CSMD1: variants seen among roughly 807,000 people sequenced by gnomAD.
CSMD1 encodes the protein CUB and Sushi multiple domains 1, also known as CUB and sushi domain-containing protein 1.
Under a neutral mutation model 417.5 loss-of-function variants are expected in CSMD1, and 213 were observed. The ratio of observed to expected loss-of-function variants is 0.51; its 90% CI spans 0.46 to 0.57. The LOEUF is 0.57. Among genes scored for constraint, CSMD1 ranks in the 20% least tolerant of loss-of-function variants. The probability of loss-of-function intolerance (pLI) is 0.00; values close to 1 mark genes in which losing one functional copy is unlikely to be tolerated. For synonymous variants in CSMD1, 2,862 were observed against 1,736.8 expected, an observed-to-expected ratio of 1.65 and a Z score of -16.11; for missense variants, 6,923 against 4,529.7, an observed-to-expected ratio of 1.53 and a Z score of -15.17.
intron 1 of CSMD1, among the ~76,000 whole-genome samples, chr8:4,949,251 T>C (rs1808573342): frequency 6.6e-6 from 1 of 152,176 alleles, no homozygotes. Flanking sequence ...CCTATCTTCA[T>C]AAATGAGAGT....
intron 37 of CSMD1, among the ~76,000 whole-genome samples, chr8:3,176,103 G>C (rs948943986): frequency 5.3e-5 from 8 of 152,154 alleles, no homozygotes; most frequent in Non-Finnish European, 8.8e-5. Context: ...AACTTGGAAA[G>C]ACAGAAATAC....
At chr8:4,566,519 G>A (rs866764318) in intron 2 of CSMD1, among the ~76,000 whole-genome samples, 9 of 151,846 alleles carry the variant, frequency 5.9e-5, no homozygotes, top group Non-Finnish European at 1.3e-4. Flanking sequence ...CGGGCGTGGT[G>A]GCGGGCGCCT....
At chr8:2,996,804 T>C (rs1023723394) in intron 54 of CSMD1, among the ~76,000 whole-genome samples, 1 of 152,212 alleles carries the variant, frequency 6.6e-6, no homozygotes, top group Non-Finnish European at 1.5e-5. Context: ...ATATTTCCCA[T>C]GTAATTATTA....
intron 42 of CSMD1, chr8:3,112,955 T>A (rs10503195): frequency 6.6e-6 from 1 of 152,248 alleles, no homozygotes. Context: ...CTGATCTTTA[T>A]CTACTTCCAG....
At chr8:3,513,758 A>G (rs1797174765) in intron 10 of CSMD1, among the ~76,000 whole-genome samples, 1 of 152,216 alleles carries the variant, frequency 6.6e-6, no homozygotes, top group South Asian at 2.1e-4. Context: ...TCAGCTGCAG[A>G]GTGCAGCTTC....
At chr8:4,250,448 C>T (rs1291087848) in intron 3 of CSMD1, among the ~76,000 whole-genome samples, 1 of 152,064 alleles carries the variant, frequency 6.6e-6, no homozygotes, top group East Asian at 1.9e-4. Flanking sequence ...ATGCGTAATA[C>T]ATGAGTGATA....
At chr8:3,545,269 G>A (rs1337773284) in intron 10 of CSMD1, among the ~76,000 whole-genome samples, 2 of 152,134 alleles carry the variant, frequency 1.3e-5, no homozygotes, top group Admixed American at 1.3e-4. Context: ...ATTTAAAGAA[G>A]GACATGGTCT....
chr8:3,694,383 A>C (rs1007960642), intron 7 of CSMD1, among the ~76,000 whole-genome samples: 7 of 152,182 alleles, frequency 4.6e-5, no homozygotes, highest in African/African-American at 1.7e-4. Flanking sequence ...GACACCCAGA[A>C]GACTGATCAA....
chr8:4,159,471 G>A (rs902902496), intron 3 of CSMD1, among the ~76,000 whole-genome samples: 1 of 152,156 alleles, frequency 6.6e-6, no homozygotes, highest in African/African-American at 2.4e-5. Flanking sequence ...CTGTAAAAAT[G>A]TATCCATCAA....
At chr8:4,392,402 A>T (rs1803906025) in intron 3 of CSMD1, among the ~76,000 whole-genome samples, 1 of 152,144 alleles carries the variant, frequency 6.6e-6, no homozygotes, top group African/African-American at 2.4e-5. Flanking sequence ...ACACAAAATT[A>T]TTCAAATCCC....
chr8:3,288,135 G>A (rs536628805), intron 25 of CSMD1, among the ~76,000 whole-genome samples: 1 of 147,530 alleles, frequency 6.8e-6, no homozygotes, highest in East Asian at 2.0e-4. Context: ...AACAAGCCAT[G>A]CATCCCAGGG....
intron 8 of CSMD1, among the ~76,000 whole-genome samples, chr8:3,604,639 G>C (rs1038242511): frequency 6.6e-6 from 1 of 152,058 alleles, no homozygotes; most frequent in South Asian, 2.1e-4. Flanking sequence ...GGAATCAAAG[G>C]AGCCAAAAAG....
chr8:3,700,950 G>GGA (rs1383077904), intron 7 of CSMD1, among the ~76,000 whole-genome samples: 1 of 152,016 alleles, frequency 6.6e-6, no homozygotes, highest in African/African-American at 2.4e-5. Flanking sequence ...GTCAGGGCAG[G>GGA]GAGAGGCTGA....
chr8:3,062,334 C>A (rs985106306), intron 49 of CSMD1, among the ~76,000 whole-genome samples: 3 of 152,090 alleles, frequency 2.0e-5, no homozygotes, highest in East Asian at 1.9e-4. Context: ...CACCTCTCCA[C>A]CCACGGGGAT....
At chr8:3,679,935 A>G (rs1799566512) in intron 7 of CSMD1, among the ~76,000 whole-genome samples, 1 of 152,212 alleles carries the variant, frequency 6.6e-6, no homozygotes, top group Non-Finnish European at 1.5e-5. Context: ...CTGAATGACT[A>G]CTGGGTACAT....
chr8:3,307,706 T>C lies in CSMD1; in HGVS notation c.3939A>G (p.Gly1313=). 6.2e-7 allele frequency: 1 copy of C among 1,613,538 alleles called. No individual in the cohort carries two copies. The highest frequency in any genetic ancestry group is 2.2e-5 in the East Asian group (1 of 44,860). ...AATAAAACAAGTACCTAATGGTCTT[T>C]CCTGGGTCTGCCTCTATAATCCAGG... ...HCTWIIEADP[G]KTISLHFIVF... Residue 1313 remains glycine, a synonymous_variant, in exon 25 of 70, where the codon GGA becomes GGG. Coordinates refer to ENST00000635120, the MANE Select transcript of CSMD1 (RefSeq NM_033225.6).
intron 5 of CSMD1, among the ~76,000 whole-genome samples, chr8:3,864,948 G>A (rs894936816): frequency 2.0e-5 from 3 of 152,168 alleles, no homozygotes; most frequent in African/African-American, 4.8e-5. Context: ...CTGGGTGAAC[G>A]AGCAGCTTTT....
intron 1 of CSMD1, among the ~76,000 whole-genome samples, chr8:4,783,137 C>T (rs1797234873): frequency 6.6e-6 from 1 of 152,162 alleles, no homozygotes. Flanking sequence ...CATATGTAAT[C>T]AGCAAATTCA....
At chr8:4,307,814 A>G (rs10090202) in intron 3 of CSMD1, among the ~76,000 whole-genome samples, 152,109 of 152,280 alleles carry the variant, frequency 1, 75,969 homozygotes, top group Middle Eastern at 1. Context: ...CAGTCTGAAA[A>G]ATTATAATAT....
Sources: gnomAD v4.1 joint callset for allele counts (sites outside exome capture counted in the v4.1 genomes callset) on GRCh38, gnomAD v4.1.1 for gene constraint, MANE v1.5 for transcripts, NCBI Gene and HGNC (gene_info 2026-07-23, HGNC 2026-07-21) for gene names.